Variants in SENP6 observed in about 807,000 individuals in gnomAD.
SENP6 encodes the protein SUMO specific peptidase 6, also known as sentrin-specific protease 6.
A neutral mutation model predicts 134.5 loss-of-function variants in SENP6; 41 were observed. That is an observed-to-expected ratio of 0.30 (90% CI 0.24 to 0.40). SENP6 has a LOEUF of 0.40. SENP6 is among the 10% of genes least tolerant of loss of function. The probability of loss-of-function intolerance (pLI) is 1.00; values close to 1 mark genes in which losing one functional copy is unlikely to be tolerated. For missense variants in SENP6, 1,248 were observed against 1,312.5 expected, an observed-to-expected ratio of 0.95 and a Z score of 0.76; for synonymous variants, 395 against 429.8, an observed-to-expected ratio of 0.92 and a Z score of 1.00.
intron 3 of SENP6, among the ~76,000 whole-genome samples, chr6:75,630,403 C>G (rs750528937): frequency 2.0e-5 from 3 of 152,096 alleles, no homozygotes; most frequent in Non-Finnish European, 4.4e-5. Context: ...AGGAAACTAC[C>G]GGCAAGAAAA....
In SENP6 at chr6:75,702,701, A is replaced by T. The variant is rs1298358181; in HGVS notation, c.2345A>T (p.Glu782Val). ...CFPGLEKPKY[E>V]PNPHYHENAV... ...CCCGGTTTGGAAAAACCAAAGTATG[A>T]ACCTAATCCTCATTACCATGAAAAT... The change falls in exon 19 of 24, where the codon GAA (glutamate) becomes GTA (valine). Residue 782 changes from glutamate (E) to valine (V), a missense_variant. This residue lies in a region of SENP6 where 386 missense variants were observed against 395.0 expected (regional missense o/e 0.98). Coordinates refer to ENST00000447266, the MANE Select transcript of SENP6 (RefSeq NM_015571.4). 1 of 1,611,092 alleles carries T rather than the reference A, an allele frequency of 6.2e-7. No homozygotes were observed. Among genetic ancestry groups the T allele is most frequent in the Non-Finnish European group, 8.5e-7 (1 of 1,178,554 alleles).
At chr6:75,652,700 A>AAAG (rs1554166663) in intron 7 of SENP6, among the ~76,000 whole-genome samples, 5 of 149,552 alleles carry the variant, frequency 3.3e-5, no homozygotes, top group African/African-American at 4.9e-5. Flanking sequence ...AAAAAAAAAA[A>AAAG]AAAGAAAAAG....
chr6:75,696,468 A>T (rs573616159), intron 17 of SENP6, among the ~76,000 whole-genome samples: 2 of 152,194 alleles, frequency 1.3e-5, no homozygotes, highest in South Asian at 4.1e-4. Context: ...TATTGTACAT[A>T]GTAGGCCTGA....
At chr6:75,680,361 C>T (rs2647399) in intron 16 of SENP6, among the ~76,000 whole-genome samples, 104,438 of 152,048 alleles carry the variant, frequency 0.69, 37,198 homozygotes, top group African/African-American at 0.88. Flanking sequence ...GAGCAAATGG[C>T]GCTAGAGTTT....
chr6:75,626,774 T>A (rs1768727880), intron 3 of SENP6, among the ~76,000 whole-genome samples: 1 of 152,210 alleles, frequency 6.6e-6, no homozygotes, highest in African/African-American at 2.4e-5. Context: ...TGACTCTATT[T>A]CCCTGTAATC....
chr6:75,711,179 A>G, intron 20 of SENP6, 149 bp from the exon 21 acceptor site: 1 of 530,850 alleles, frequency 1.9e-6, no homozygotes, highest in South Asian at 3.4e-5. Flanking sequence ...ATTAAGTAAC[A>G]TACCACATCT....
At chr6:75,648,502 T>TA (rs986144024) in intron 7 of SENP6, among the ~76,000 whole-genome samples, 2 of 152,164 alleles carry the variant, frequency 1.3e-5, no homozygotes, top group Non-Finnish European at 2.9e-5. Context: ...AATGTGCTTT[T>TA]AAAAAACACC....
At chr6:75,687,514 G>A (rs1382508501) in intron 16 of SENP6, among the ~76,000 whole-genome samples, 14 of 152,170 alleles carry the variant, frequency 9.2e-5, no homozygotes, top group African/African-American at 2.9e-4. Context: ...TTCTGCTCTG[G>A]TTTCTCCCCA....
Position 75,702,796 on chromosome 6 carries a change from T to C in SENP6, c.2440T>C (p.Cys814Arg), listed in dbSNP as rs1225319722. 1 of 1,614,138 alleles carries C rather than the reference T, an allele frequency of 6.2e-7. No homozygotes were observed. Among genetic ancestry groups the C allele is most frequent in the South Asian group, 1.1e-5 (1 of 91,084 alleles). ...ISSSASEMES[C>R]SQNSSAKPVI... ...TTCTTCAGCCAGTGAAATGGAGAGT[T>C]GTTCACAAAACTCTTCTGCCAAGCC... is the stretch of plus-strand genomic sequence containing the variant. Residue 814 changes from cysteine (C) to arginine (R), a missense_variant, in exon 19 of 24, where the codon TGT becomes CGT. This residue lies in a region of SENP6 where 386 missense variants were observed against 395.0 expected (regional missense o/e 0.98). Transcript: ENST00000447266.
Position 75,663,498 on chromosome 6 carries a change from T to C in SENP6, c.974T>C (p.Leu325Ser). The change falls in exon 9 of 24, where the codon TTG (leucine) becomes TCG (serine). Residue 325 changes from leucine (L) to serine (S), a missense_variant. Transcript: ENST00000447266. ...ITNLKERKTS[L>S]SDLNDPIILS... is the part of the protein sequence containing the mutation. ...AACTTGAAAGAAAGGAAAACAAGTT[T>C]GTCAGACCTAAATGATCCAAGTAAG... is the stretch of plus-strand genomic sequence containing the variant. The C allele has an allele frequency of 6.2e-7, 1 of 1,610,758 alleles. No individual in the cohort carries two copies. Among genetic ancestry groups the C allele is most frequent in the Non-Finnish European group, 8.5e-7 (1 of 1,179,572 alleles).
intron 3 of SENP6, among the ~76,000 whole-genome samples, chr6:75,632,359 G>A (rs943085750): frequency 6.6e-6 from 1 of 152,168 alleles, no homozygotes; most frequent in African/African-American, 2.4e-5. Context: ...GATAAGTCCT[G>A]TGTTAACCAG....
chr6:75,623,925 G>A lies in SENP6; in HGVS notation c.172G>A (p.Glu58Lys), dbSNP rs1464162371. The part of the protein sequence containing the change: ...KDGTNLLSVD[E>K]DEDSETSKGK... ...TGGGACAAATCTGCTCAGTGTGGAT[G>A]AAGATGAGGATTCTGAAACCTCAAA... Residue 58 changes from glutamate (E) to lysine (K), a missense_variant, in exon 3 of 24, where the codon GAA (glutamate) becomes AAA (lysine). Glu to Lys is a moderately conservative substitution (Grantham distance 56, BLOSUM62 1). Around this residue, in one of 3 missense-constraint regions of SENP6, gnomAD observed 733 missense variants for 725.4 expected, o/e 1.01. Coordinates refer to ENST00000447266, the MANE Select transcript of SENP6 (RefSeq NM_015571.4). The A allele has an allele frequency of 1.9e-6, 3 of 1,608,900 alleles. No individual in the cohort carries two copies. The highest frequency in any genetic ancestry group is 1.7e-6 in the Non-Finnish European group (2 of 1,177,256).
chr6:75,638,884 C>T (rs1270161812), intron 5 of SENP6, among the ~76,000 whole-genome samples: 1 of 151,568 alleles, frequency 6.6e-6, no homozygotes, highest in Non-Finnish European at 1.5e-5. Flanking sequence ...ATGGCGAAAT[C>T]TTGTCTCCAT....
At chr6:75,645,476 G>A (rs763094995) in intron 6 of SENP6, among the ~76,000 whole-genome samples, 1 of 152,156 alleles carries the variant, frequency 6.6e-6, no homozygotes, top group Non-Finnish European at 1.5e-5. Flanking sequence ...AATTAGCACA[G>A]CATGGTGGCG....
At chr6:75,680,901 A>G (rs1200676636) in intron 16 of SENP6, among the ~76,000 whole-genome samples, 1 of 152,220 alleles carries the variant, frequency 6.6e-6, no homozygotes, top group Non-Finnish European at 1.5e-5. Context: ...GAAGTCTGCT[A>G]AAACACAAGA....
chr6:75,711,231 C>T (rs1352742324), intron 20 of SENP6, 97 bp from the exon 21 acceptor site: 5 of 748,896 alleles, frequency 6.7e-6, no homozygotes, highest in Non-Finnish European at 1.1e-5. Context: ...TTTTGACAAT[C>T]ATTACAAATA....
Position 75,647,796 on chromosome 6 carries a change from G to A in SENP6, c.545G>A (p.Gly182Asp), listed in dbSNP as rs1421415286. The change falls in exon 7 of 24, where the codon GGT becomes GAT. Residue 182 changes from glycine to aspartate, a missense_variant. Gly to Asp is a moderately conservative substitution (Grantham distance 94). This residue lies in a region of SENP6 where 733 missense variants were observed against 725.4 expected (regional missense o/e 1.01). Transcript: ENST00000447266. Reference protein sequence around the residue: ...INPVRLSRLQGVERIMKKTEE... With the variant: ...INPVRLSRLQDVERIMKKTEE... ...CCTGTAAGGTTAAGTCGGCTCCAAG[G>A]TGTTGGTAAGTGTGCAGTTTTGTTA... 2.5e-6 allele frequency: 4 copies of A among 1,611,274 alleles called. No individual in the cohort carries two copies. The highest frequency in any genetic ancestry group is 1.7e-5 in the Admixed American group (1 of 59,846).
At chr6:75,613,090 C>T (rs552634390) in intron 1 of SENP6, among the ~76,000 whole-genome samples, 52 of 150,308 alleles carry the variant, frequency 3.5e-4, no homozygotes, top group Middle Eastern at 3.4e-3. Context: ...CTCCAGCCTG[C>T]GTGACAGAGT....
intron 16 of SENP6, among the ~76,000 whole-genome samples, chr6:75,691,798 G>C (rs1021805575): frequency 2.0e-5 from 3 of 151,910 alleles, no homozygotes; most frequent in African/African-American, 7.3e-5. Context: ...GTTTCACCGT[G>C]TTAGCCAGGA....
Sources: gnomAD v4.1 joint callset for allele counts (sites outside exome capture counted in the v4.1 genomes callset) on GRCh38, gnomAD v4.1.1 for gene constraint, gnomAD v4.1.1 regional missense constraint, MANE v1.5 for transcripts, NCBI Gene and HGNC (gene_info 2026-07-23, HGNC 2026-07-21) for gene names.